TNKS: variants seen among roughly 807,000 people sequenced by gnomAD.
TNKS encodes the protein tankyrase.
A neutral mutation model predicts 135.8 loss-of-function variants in TNKS; 72 were observed. That is an observed-to-expected ratio of 0.53 (90% CI 0.44 to 0.64). The LOEUF (loss-of-function observed/expected upper bound fraction) is 0.64, where lower values mean the gene tolerates loss of function less well. Ranked by LOEUF, TNKS falls within the 30% of genes least tolerant of loss-of-function variation. The probability of loss-of-function intolerance (pLI) is 0.00; values close to 1 mark genes in which losing one functional copy is unlikely to be tolerated. For missense variants in TNKS, 1,769 were observed against 1,674.0 expected, an observed-to-expected ratio of 1.06 and a Z score of -0.99; for synonymous variants, 849 against 649.3, an observed-to-expected ratio of 1.31 and a Z score of -4.68.
intron 5 of TNKS, among the ~76,000 whole-genome samples, chr8:9,692,003 G>T (rs944019968): frequency 6.6e-6 from 1 of 152,048 alleles, no homozygotes; most frequent in Non-Finnish European, 1.5e-5. Context: ...CATCCTACAT[G>T]TCTTTTTTTT....
chr8:9,598,729 G>GTGTGTGTGTGTGTC lies in TNKS; in HGVS notation c.899-16848_899-16847insGTGTGTGTCTGTGT, dbSNP rs777986624. 3.7e-3 allele frequency among the ~76,000 whole-genome samples: 460 copies of GTGTGTGTGTGTGTC among 123,522 alleles called. 3 individuals are homozygous for GTGTGTGTGTGTGTC. The highest frequency in any genetic ancestry group is 0.026 in the South Asian group (92 of 3,582). The allele number at this position is 123,522 out of a possible 152,430, so 81.0% of individuals were successfully genotyped here. A position where few individuals can be genotyped will look rare whatever the true frequency, so the allele number is the denominator to read the frequency against. ...TATGTGTGTGTGTGTGTGTGTGTGT[G>GTGTGTGTGTGTGTC]TGTGTCTGTGTGTGTATATATGTAT... On this transcript the variant is annotated intron_variant, in intron 2 of 26. Coordinates refer to ENST00000310430, the MANE Select transcript of TNKS (RefSeq NM_003747.3).
chr8:9,657,868 C>T (rs1801485766), intron 3 of TNKS, among the ~76,000 whole-genome samples: 3 of 145,790 alleles, frequency 2.1e-5, no homozygotes, highest in Non-Finnish European at 3.1e-5. Flanking sequence ...GGCGGAGGGG[C>T]TCCTCACTTC....
Position 9,712,580 on chromosome 8 carries a change from T to G in TNKS, c.1749+2360T>G, listed in dbSNP as rs559750335. Among the ~76,000 whole-genome samples the G allele has an allele frequency of 2.0e-5, 3 of 152,168 alleles. No homozygotes were observed. In the South Asian group the frequency reaches 6.2e-4, roughly 32 times the overall value. ...GTTTAAACTACAGTCAATGGATATT[T>G]TCTAGCATAAGTAATTAAAATATGT... On this transcript the variant is annotated intron_variant, in intron 11 of 26. Transcript: ENST00000310430.
At chr8:9,571,393 G>A (rs1362973479) in intron 1 of TNKS, among the ~76,000 whole-genome samples, 1 of 152,160 alleles carries the variant, frequency 6.6e-6, no homozygotes, top group Non-Finnish European at 1.5e-5. Context: ...TGGATATACT[G>A]TGTTTGTTTT....
At chr8:9,656,831 C>A (rs1348891739) in intron 3 of TNKS, among the ~76,000 whole-genome samples, 23 of 141,882 alleles carry the variant, frequency 1.6e-4, no homozygotes, top group African/African-American at 6.2e-4. Flanking sequence ...TCTTAACGAG[C>A]ATGCTGCCTT....
intron 2 of TNKS, 46 bp from the exon 3 acceptor site, chr8:9,615,536 C>A: frequency 1.3e-6 from 2 of 1,500,688 alleles, no homozygotes; most frequent in Admixed American, 1.8e-5. Context: ...AGTAAATAAT[C>A]TCTGTATCCC....
intron 26 of TNKS, among the ~76,000 whole-genome samples, chr8:9,773,673 G>A (rs1808067533): frequency 6.6e-6 from 1 of 151,934 alleles, no homozygotes; most frequent in South Asian, 2.1e-4. Context: ...TTTAGTCAGA[G>A]TGTCTCATGA....
At chr8:9,649,137 G>A (rs1411802227) in intron 3 of TNKS, among the ~76,000 whole-genome samples, 1 of 152,148 alleles carries the variant, frequency 6.6e-6, no homozygotes. Flanking sequence ...AAAGTTTGGT[G>A]TGCTATACTT....
At chr8:9,565,179 G>A (rs1435627374) in intron 1 of TNKS, among the ~76,000 whole-genome samples, 1 of 152,102 alleles carries the variant, frequency 6.6e-6, no homozygotes, top group Non-Finnish European at 1.5e-5. Context: ...GTTTGTTCAG[G>A]TATCTGTTTA....
At chr8:9,705,955 T>C (rs918240387) in intron 6 of TNKS, among the ~76,000 whole-genome samples, 11 of 152,218 alleles carry the variant, frequency 7.2e-5, no homozygotes, top group Admixed American at 1.3e-4. Flanking sequence ...CGCCAAAATG[T>C]TCTTCTATTT....
At chr8:9,717,072 AATATATATATAT>A (rs368231440) in intron 11 of TNKS, among the ~76,000 whole-genome samples, 1 of 79,460 alleles carries the variant, frequency 1.3e-5, no homozygotes, top group African/African-American at 4.6e-5. Flanking sequence ...GTTGTATTAT[AATATATATATAT>A]ATATATATAT....
chr8:9,604,299 C>T (rs1799135717), intron 2 of TNKS, among the ~76,000 whole-genome samples: 3 of 152,004 alleles, frequency 2.0e-5, no homozygotes. Flanking sequence ...TTGAGTGTAT[C>T]TACTTTACTC....
chr8:9,608,412 G>A (rs1276825202), intron 2 of TNKS, among the ~76,000 whole-genome samples: 1 of 152,044 alleles, frequency 6.6e-6, no homozygotes, highest in African/African-American at 2.4e-5. Flanking sequence ...GCTAAGGTGC[G>A]TCAGGTGTGT....
At position 9,704,608 on chromosome 8, in the gene TNKS, G is replaced by A. The variant is rs1023296625; in HGVS notation, c.1108-55G>A. On this transcript the variant is annotated intron_variant, in intron 5 of 26. Transcript: ENST00000310430. ...GTTTAAATCTGAAATGGCAAAGCAA[G>A]GATTTTCTTTGTTTGTTTGTTTTTA... 3.5e-6 allele frequency: 5 copies of A among 1,430,806 alleles called. No individual in the cohort carries two copies. The African/African-American group carries it at 5.7e-5, about 16-fold the overall frequency. 88.6% of individuals were successfully genotyped at this position (1,430,806 alleles called of 1,614,324 possible).
At chr8:9,562,108 C>A (rs570718191) in intron 1 of TNKS, among the ~76,000 whole-genome samples, 5 of 152,098 alleles carry the variant, frequency 3.3e-5, no homozygotes, top group Admixed American at 2.6e-4. Context: ...TGACCCACCA[C>A]GCCTGGCCTT....
chr8:9,680,669 A>G (rs768995128), intron 4 of TNKS, 56 bp from the exon 5 acceptor site: 160 of 1,273,120 alleles, frequency 1.3e-4, no homozygotes, highest in Non-Finnish European at 1.7e-4. Flanking sequence ...ATTATGCATA[A>G]ATATTCATAA....
intron 11 of TNKS, among the ~76,000 whole-genome samples, chr8:9,717,071 TAATATATA>T (rs926879794): frequency 0.026 from 357 of 13,778 alleles, 44 homozygotes; most frequent in Non-Finnish European, 0.043. Flanking sequence ...TGTTGTATTA[TAATATATA>T]TATATATATA....
chr8:9,577,635 C>T (rs1798002234), intron 1 of TNKS, among the ~76,000 whole-genome samples: 1 of 152,146 alleles, frequency 6.6e-6, no homozygotes, highest in African/African-American at 2.4e-5. Context: ...AAATCTGCCT[C>T]CATGATCCAC....
At chr8:9,668,402 C>G (rs562591533) in intron 3 of TNKS, among the ~76,000 whole-genome samples, 1 of 152,214 alleles carries the variant, frequency 6.6e-6, no homozygotes, top group East Asian at 1.9e-4. Context: ...CTCTAGTTGT[C>G]AAGTATTTAC....
Sources: allele counts gnomAD v4.1 joint callset (sites outside exome capture counted in the v4.1 genomes callset), GRCh38; gene constraint gnomAD v4.1.1; transcripts MANE v1.5; gene names NCBI Gene and HGNC (gene_info 2026-07-23, HGNC 2026-07-21).